The following COL4A4 variants were observed in gnomAD, a reference collection of about 807,000 sequenced individuals.
The protein encoded by COL4A4 is collagen type IV alpha 4 chain.
COL4A4 carries 105 observed loss-of-function variants against 192.9 expected under a neutral mutation model. The observed-to-expected ratio is 0.54, with a 90% CI of 0.46 to 0.64. The LOEUF is 0.64. Ranked by LOEUF, COL4A4 falls within the 30% of genes least tolerant of loss-of-function variation. The pLI is 0.00. For synonymous variants in COL4A4, 762 were observed against 769.9 expected (o/e 0.99, Z 0.17); for missense variants, 1,967 against 2,169.3 (o/e 0.91, Z 1.85).
chr2:227,142,675 T>G (rs951260524), intron 3 of COL4A4, among the ~76,000 whole-genome samples: 8 of 151,412 alleles, frequency 5.3e-5, no homozygotes, highest in Non-Finnish European at 1.2e-4. Flanking sequence ...GAGAATCACT[T>G]GAACTGGGAG....
intron 32 of COL4A4, 99 bp downstream of exon 32, chr2:227,052,206 C>A (rs190099077): frequency 6.6e-5 from 49 of 743,126 alleles, no homozygotes; most frequent in Admixed American, 5.7e-4. Flanking sequence ...AAAAAAAAGT[C>A]TTTTCTAATC....
chr2:227,007,594 C>T lies in COL4A4; in HGVS notation c.4810-6G>A. ...TGGTCCCCAGCTCCTGTGTGCTACC[C>T]AGAAAACAAGAGAGAATTAGGGCTC... On this transcript the variant is annotated splice_region_variant and splice_polypyrimidine_tract_variant and intron_variant, in intron 47 of 47. Transcript: ENST00000396625. The T allele has an allele frequency of 6.2e-7, 1 of 1,612,304 alleles. No individual in the cohort carries two copies. The highest frequency in any genetic ancestry group is 8.5e-7 in the Non-Finnish European group (1 of 1,180,024).
At position 227,007,513 on chromosome 2, in the gene COL4A4, C is replaced by T. The variant is rs1324597548; in HGVS notation, c.4885G>A (p.Ala1629Thr). 1.9e-6 allele frequency: 3 copies of T among 1,613,968 alleles called. No individual in the cohort carries two copies. Among genetic ancestry groups the T allele is most frequent in the Non-Finnish European group, 2.5e-6 (3 of 1,180,030 alleles). Residue 1629 changes from alanine (A) to threonine (T), a missense_variant, in exon 48 of 48, where the codon GCA (alanine) becomes ACA (threonine). By Grantham distance (58) the Ala-to-Thr change is moderately conservative (BLOSUM62 0). Coordinates refer to ENST00000396625, the MANE Select transcript of COL4A4 (RefSeq NM_000092.5). The stretch of plus-strand genomic sequence containing the variant: ...CGGCCCTGGCATTCAAGGAATGGTG[C>T]TGCTCTGAAATCTTCCAGGCAGCTG... ...PGSCLEDFRA[A>T]PFLECQGRQG...
At chr2:227,150,689 C>T (rs971054284) in intron 1 of COL4A4, among the ~76,000 whole-genome samples, 3 of 152,258 alleles carry the variant, frequency 2.0e-5, no homozygotes, top group South Asian at 4.1e-4. Context: ...CTTCACAGGG[C>T]AGCAGGAGAC....
At chr2:227,106,047 GA>G (rs11435858) in intron 12 of COL4A4, among the ~76,000 whole-genome samples, 47 of 143,352 alleles carry the variant, frequency 3.3e-4, no homozygotes, top group East Asian at 2.8e-3. Flanking sequence ...AGTTTAAATA[GA>G]AAAAAAAAAA....
At chr2:227,048,058 T>A (rs1289809653) in intron 34 of COL4A4, among the ~76,000 whole-genome samples, 1 of 152,156 alleles carries the variant, frequency 6.6e-6, no homozygotes, top group Non-Finnish European at 1.5e-5. Flanking sequence ...CTGTAGGCCA[T>A]GACTCCCACA....
chr2:227,091,950 A>T (rs2059962667), intron 20 of COL4A4, among the ~76,000 whole-genome samples: 1 of 151,238 alleles, frequency 6.6e-6, no homozygotes. Context: ...AGAAAAGAAA[A>T]GACATGACAT....
intron 22 of COL4A4, among the ~76,000 whole-genome samples, chr2:227,083,577 G>T (rs2059431268): frequency 6.6e-6 from 1 of 152,138 alleles, no homozygotes; most frequent in Non-Finnish European, 1.5e-5. Context: ...CTCTCAGTTA[G>T]CTAGAACTGC....
chr2:227,048,329 G>T (rs1051310468), intron 34 of COL4A4, among the ~76,000 whole-genome samples: 1 of 152,108 alleles, frequency 6.6e-6, no homozygotes, highest in African/African-American at 2.4e-5. Context: ...ATGGCCAATT[G>T]CTTGAGGGGT....
At chr2:227,133,350 A>G (rs541032283) in intron 4 of COL4A4, among the ~76,000 whole-genome samples, 133 of 152,314 alleles carry the variant, frequency 8.7e-4, no homozygotes, top group African/African-American at 3.1e-3. Context: ...AAAATAGGTA[A>G]TACATTCTAC....
chr2:227,101,055 G>T (rs918332006), intron 17 of COL4A4, among the ~76,000 whole-genome samples: 1 of 152,048 alleles, frequency 6.6e-6, no homozygotes, highest in Non-Finnish European at 1.5e-5. Context: ...TGATCTGCCC[G>T]CCTCGGCCTC....
chr2:226,996,480 T>A, the COL4A4 span: 4 of 152,258 alleles, frequency 2.6e-5, no homozygotes, highest in Admixed American at 6.5e-5. Context: ...CTGAGTCGTT[T>A]AAGGCATTTC....
At chr2:226,992,514 G>A in the COL4A4 span, among the ~76,000 whole-genome samples, 3 of 152,142 alleles carry the variant, frequency 2.0e-5, no homozygotes, top group Non-Finnish European at 4.4e-5. Flanking sequence ...GGTTTGGGTT[G>A]TATTGTTATA....
intron 46 of COL4A4, among the ~76,000 whole-genome samples, chr2:227,009,016 G>C (rs2149729640): frequency 6.6e-6 from 1 of 152,212 alleles, no homozygotes; most frequent in East Asian, 1.9e-4. Flanking sequence ...ATGGTACAAA[G>C]ACCAGGCAGG....
At chr2:227,140,633 G>C (rs2063140425) in intron 3 of COL4A4, among the ~76,000 whole-genome samples, 1 of 151,198 alleles carries the variant, frequency 6.6e-6, no homozygotes, top group Non-Finnish European at 1.5e-5. Context: ...TTTTTTTTCA[G>C]GGCCTGTTTT....
chr2:227,100,615 C>G (rs1576500321), intron 17 of COL4A4, among the ~76,000 whole-genome samples: 4 of 152,142 alleles, frequency 2.6e-5, no homozygotes, highest in Admixed American at 2.6e-4. Flanking sequence ...GGGACTTGAG[C>G]ATCTGAGGGT....
chr2:227,083,322 G>T (rs1001468878), intron 22 of COL4A4, among the ~76,000 whole-genome samples: 3 of 152,074 alleles, frequency 2.0e-5, no homozygotes, highest in African/African-American at 7.2e-5. Flanking sequence ...AGAGCCCAAG[G>T]TTACTTACCT....
chr2:227,101,649 C>G, intron 16 of COL4A4, 92 bp from the exon 17 acceptor site: 2 of 1,300,868 alleles, frequency 1.5e-6, no homozygotes, highest in South Asian at 2.5e-5. Flanking sequence ...ACATTGCCCA[C>G]TGAGACCATG....
chr2:226,995,605 T>C, the COL4A4 span: 1 of 977,874 alleles, frequency 1.0e-6, no homozygotes, highest in African/African-American at 1.6e-5. Context: ...TCATTTTAAT[T>C]CATTTTAAAC....
Sources: allele counts gnomAD v4.1 joint callset (sites outside exome capture counted in the v4.1 genomes callset), GRCh38; gene constraint gnomAD v4.1.1; transcripts MANE v1.5; gene names NCBI Gene and HGNC (gene_info 2026-07-23, HGNC 2026-07-21).